The following ZZEF1 variants were observed in gnomAD, a reference collection of about 807,000 sequenced individuals.
ZZEF1 encodes the protein zinc finger ZZ-type and EF-hand domain-containing protein 1.
In ZZEF1, 157 loss-of-function variants were observed where a neutral mutation model predicts 342.8. The ratio of observed to expected loss-of-function variants is 0.46; its 90% confidence interval spans 0.40 to 0.52. The LOEUF is 0.52. ZZEF1 is among the 20% of genes least tolerant of loss of function. The probability of loss-of-function intolerance (pLI) is 0.00; values close to 1 mark genes in which losing one functional copy is unlikely to be tolerated. For missense variants in ZZEF1, 3,480 were observed against 3,725.6 expected (o/e 0.93, Z 1.72); for synonymous variants, 1,505 against 1,429.1 (o/e 1.05, Z -1.20).
chr17:4,042,502 T>C lies in ZZEF1; in HGVS notation c.6233A>G (p.Glu2078Gly). 6.2e-7 allele frequency: 1 copy of C among 1,614,120 alleles called. No individual in the cohort carries two copies. Among genetic ancestry groups the C allele is most frequent in the Non-Finnish European group, 8.5e-7 (1 of 1,180,014 alleles). ...IEEKAVTPSPEQVFAECSQKR... is the reference protein window; with the variant it reads ...IEEKAVTPSPGQVFAECSQKR... ...CTGGGAACACTCAGCAAACACTTGC[T>C]CAGGGCTTGGAGTAACTGCTTTTTC... is the stretch of plus-strand genomic sequence containing the variant. The change falls in exon 39 of 55, where the codon GAG becomes GGG. Residue 2078 changes from glutamate (E) to glycine (G), a missense_variant. By Grantham distance (98) the Glu-to-Gly change is moderately conservative. Coordinates refer to ENST00000381638, the MANE Select transcript of ZZEF1 (RefSeq NM_015113.4).
intron 2 of ZZEF1, among the ~76,000 whole-genome samples, chr17:4,122,434 A>C (rs1190921925): frequency 6.6e-6 from 1 of 151,322 alleles, no homozygotes; most frequent in African/African-American, 2.4e-5. Context: ...GCTGGAGTGC[A>C]ATGGTGCGAT....
rs528519086 is a variant in ZZEF1, at chr17:4,130,795, G to A, written c.355-6744C>T. Among the ~76,000 whole-genome samples, 25 of 152,268 alleles carry A rather than the reference G, an allele frequency of 1.6e-4. No individual in the cohort carries two copies. In the South Asian group the frequency reaches 3.9e-3, roughly 24 times the overall value. ...CCCCAAACTGAAGGACATGAGTTCC[G>A]TGACTGCAGGGGCTGATTACCCTGC... On this transcript the variant is annotated intron_variant, in intron 1 of 54. Coordinates refer to ENST00000381638, the MANE Select transcript of ZZEF1 (RefSeq NM_015113.4).
chr17:4,024,634 G>C (rs1240794689), intron 43 of ZZEF1, among the ~76,000 whole-genome samples: 1 of 152,146 alleles, frequency 6.6e-6, no homozygotes, highest in Non-Finnish European at 1.5e-5. Context: ...ATTTAGAGAG[G>C]AAAGTAAGAA....
Position 4,064,541 on chromosome 17 carries a change from G to T in ZZEF1, c.4538C>A (p.Ala1513Asp). Residue 1513 changes from alanine (A) to aspartate (D), a missense_variant, in exon 29 of 55, where the codon GCT becomes GAT. By Grantham distance (126) the Ala-to-Asp change is moderately radical. This residue lies in a region of ZZEF1 where 1,528 missense variants were observed against 1,624.1 expected (regional missense o/e 0.94). Transcript: ENST00000381638. ...LPAADVSPAT[A>D]EEPLSPSTPT... ...TGTGGAAGGTGACAAGGGCTCTTCA[G>T]CTGTGGCAGGGGACACGTCTGCAGC... 1 of 1,614,212 alleles carries T rather than the reference G, an allele frequency of 6.2e-7. No homozygotes were observed.
At chr17:4,137,009 A>G (rs756065268) in intron 1 of ZZEF1, among the ~76,000 whole-genome samples, 11 of 150,578 alleles carry the variant, frequency 7.3e-5, no homozygotes, top group Non-Finnish European at 1.5e-4. Context: ...AGCAAAGGAC[A>G]AAATTCCCAC....
intron 3 of ZZEF1, 107 bp downstream of exon 3, chr17:4,116,865 T>C: frequency 8.4e-7 from 1 of 1,187,014 alleles, no homozygotes; most frequent in Non-Finnish European, 1.2e-6. Flanking sequence ...CTCATGACTC[T>C]GTATTTTCAG....
intron 42 of ZZEF1, among the ~76,000 whole-genome samples, chr17:4,027,286 CTTTTTTTT>C (rs1179743466): frequency 1.8e-4 from 12 of 67,982 alleles, no homozygotes; most frequent in East Asian, 1.3e-3. Context: ...CAATATCTCA[CTTTTTTTT>C]TTTTTTTTTT....
chr17:4,116,372 T>C lies in ZZEF1; in HGVS notation c.694+600A>G, dbSNP rs116250455. Among the ~76,000 whole-genome samples, 874 of 152,358 alleles carry C rather than the reference T, an allele frequency of 5.7e-3. 9 individuals are homozygous for C. The highest frequency in any genetic ancestry group is 0.02 in the African/African-American group (842 of 41,582). The stretch of plus-strand genomic sequence containing the variant: ...TGGCTAACTAGGTGCCCTAACTCCA[T>C]CTGTTGGAAGTTCACCTTTCCATCC... On this transcript the variant is annotated intron_variant, in intron 3 of 54. Coordinates refer to ENST00000381638, the MANE Select transcript of ZZEF1 (RefSeq NM_015113.4).
chr17:4,082,647 T>A, intron 16 of ZZEF1, 143 bp from the exon 17 acceptor site: 4 of 712,294 alleles, frequency 5.6e-6, no homozygotes, highest in Non-Finnish European at 9.5e-6. Context: ...AGCACCCCAC[T>A]AAAACCCGCT....
chr17:4,046,740 A>G (rs551361068), intron 37 of ZZEF1, among the ~76,000 whole-genome samples: 2 of 152,228 alleles, frequency 1.3e-5, no homozygotes, highest in Non-Finnish European at 2.9e-5. Context: ...CGAAGACAAT[A>G]TAATTCCCAA....
intron 10 of ZZEF1, 81 bp downstream of exon 10, chr17:4,096,528 A>AAT: frequency 1.7e-6 from 2 of 1,203,248 alleles, no homozygotes; most frequent in Non-Finnish European, 2.4e-6. Context: ...GTACCCCACA[A>AAT]ATATATATAC....
At chr17:4,086,717 A>G in intron 14 of ZZEF1, 62 bp from the exon 15 acceptor site, 2 of 1,567,004 alleles carry the variant, frequency 1.3e-6, no homozygotes, top group Non-Finnish European at 1.7e-6. Context: ...CTCCAAAGCC[A>G]TATAGCTGTC....
At chr17:4,025,997 G>A (rs2056395143) in intron 42 of ZZEF1, among the ~76,000 whole-genome samples, 1 of 152,218 alleles carries the variant, frequency 6.6e-6, no homozygotes, top group South Asian at 2.1e-4. Flanking sequence ...GGGAGGTCAA[G>A]GCTGCTAGAA....
chr17:4,102,503 G>C, intron 8 of ZZEF1, 88 bp from the exon 9 acceptor site: 1 of 1,140,804 alleles, frequency 8.8e-7, no homozygotes, highest in Admixed American at 2.0e-5. Flanking sequence ...AGAGTCCTGT[G>C]GCTACCCAGA....
rs192570963 is a variant in ZZEF1 at position 4,135,677 on chromosome 17, T to C, written c.354+6865A>G. Among the ~76,000 whole-genome samples the C allele has an allele frequency of 1.6e-3, 239 of 152,280 alleles. 1 individual carries two copies. Among genetic ancestry groups the C allele is most frequent in the Non-Finnish European group, 3.0e-3 (204 of 68,028 alleles). ...TCCCTGGGGCCATTCAGAACACATC[T>C]ACTCCTTCTGCCCAGAGACAACCTG... is the stretch of plus-strand genomic sequence containing the variant. On this transcript the variant is annotated intron_variant, in intron 1 of 54. Transcript: ENST00000381638.
intron 42 of ZZEF1, among the ~76,000 whole-genome samples, chr17:4,031,355 T>C (rs1393598800): frequency 1.1e-5 from 1 of 89,614 alleles, no homozygotes; most frequent in South Asian, 3.0e-4. Flanking sequence ...TAAATAAATT[T>C]ACAATAGTAA....
At chr17:4,031,453 G>A (rs572412926) in intron 42 of ZZEF1, among the ~76,000 whole-genome samples, 136 of 152,114 alleles carry the variant, frequency 8.9e-4, no homozygotes, top group South Asian at 2.3e-3. Flanking sequence ...GTCAATTTTC[G>A]ACAAGATTCC....
At chr17:4,108,018 A>G (rs956126031) in intron 6 of ZZEF1, among the ~76,000 whole-genome samples, 3 of 152,240 alleles carry the variant, frequency 2.0e-5, no homozygotes, top group Non-Finnish European at 4.4e-5. Context: ...ATAAGCATCA[A>G]AACTGTGGCT....
intron 18 of ZZEF1, among the ~76,000 whole-genome samples, chr17:4,078,804 A>G (rs972328577): frequency 6.6e-6 from 1 of 152,240 alleles, no homozygotes; most frequent in Non-Finnish European, 1.5e-5. Context: ...CCTAACACAC[A>G]GCAGGCATTC....
Sources: gnomAD v4.1 joint callset for allele counts (sites outside exome capture counted in the v4.1 genomes callset) on GRCh38, gnomAD v4.1.1 for gene constraint, gnomAD v4.1.1 regional missense constraint, MANE v1.5 for transcripts, NCBI Gene and HGNC (gene_info 2026-07-23, HGNC 2026-07-21) for gene names.